DERA: variants seen among roughly 807,000 people sequenced by gnomAD.
DERA encodes 2-deoxy-D-ribose 5-phosphate aldolase.
DERA carries 15 observed loss-of-function variants against 41.1 expected under a neutral mutation model. That is an observed-to-expected ratio of 0.37 (90% confidence interval 0.24 to 0.56). The LOEUF (loss-of-function observed/expected upper bound fraction) is 0.56, where lower values mean the gene tolerates loss of function less well. Among genes scored for constraint, DERA ranks in the 20% least tolerant of loss-of-function variants. The pLI is 0.81. For synonymous variants in DERA, 139 were observed against 137.4 expected (o/e 1.01, Z -0.08); for missense variants, 396 against 403.4 (o/e 0.98, Z 0.16).
At chr12:15,958,736 C>G (rs890684956) in intron 3 of DERA, among the ~76,000 whole-genome samples, 11 of 152,064 alleles carry the variant, frequency 7.2e-5, no homozygotes, top group African/African-American at 2.2e-4. Context: ...ATATGAAATA[C>G]TTTTGAAAAT....
intron 6 of DERA, among the ~76,000 whole-genome samples, chr12:16,022,072 G>A (rs1362704738): frequency 6.6e-6 from 1 of 152,196 alleles, no homozygotes; most frequent in African/African-American, 2.4e-5. Context: ...TTGGATGTTT[G>A]TCCCCTCCCA....
rs557062140 is a variant in DERA at position 16,018,164 on chromosome 12, T to A, written c.638-14378T>A. Reference sequence around the variant, plus strand: ...TAGTAGCCTTAAGATATTATTTTTTTAAATATACTACTTTGGTCTTAATAC... The same window carrying A: ...TAGTAGCCTTAAGATATTATTTTTTAAAATATACTACTTTGGTCTTAATAC... On this transcript the variant is annotated intron_variant, in intron 6 of 8. Coordinates refer to ENST00000428559, the MANE Select transcript of DERA (RefSeq NM_015954.4). Among the ~76,000 whole-genome samples, 9 of 152,328 alleles carry A rather than the reference T, an allele frequency of 5.9e-5. No homozygotes were observed. The South Asian group carries it at 6.2e-4, about 11-fold the overall frequency.
At chr12:15,920,294 C>G (rs1030967625) in intron 1 of DERA, among the ~76,000 whole-genome samples, 7 of 152,180 alleles carry the variant, frequency 4.6e-5, no homozygotes, top group African/African-American at 1.4e-4. Context: ...ATCAGTCCAA[C>G]CCCCTTCTGT....
intron 6 of DERA, among the ~76,000 whole-genome samples, chr12:16,025,970 C>A (rs532028742): frequency 6.6e-6 from 1 of 151,976 alleles, no homozygotes; most frequent in Non-Finnish European, 1.5e-5. Flanking sequence ...AAATAAGTCT[C>A]AAGAGAAATT....
rs563397724 is a variant in DERA, at chr12:15,976,014, C to T, written c.509-6294C>T. On this transcript the variant is annotated intron_variant, in intron 5 of 8. Transcript: ENST00000428559. This position sits in a 1 kb window ranked among gnomAD's most constrained non-coding sequence, Gnocchi z 4.1. Reference sequence around the variant, plus strand: ...CAGACAGATCTAGTAAATACATGAACGTACACATATACACAGCACACACAT... The same window carrying T: ...CAGACAGATCTAGTAAATACATGAATGTACACATATACACAGCACACACAT... Among the ~76,000 whole-genome samples the T allele has an allele frequency of 3.3e-5, 5 of 152,160 alleles. No homozygotes were observed. In the South Asian group the frequency reaches 6.2e-4, roughly 19 times the overall value.
rs1279680561 is a variant in DERA at position 16,020,603 on chromosome 12, G to C, written c.638-11939G>C. On this transcript the variant is annotated intron_variant, in intron 6 of 8. Coordinates refer to ENST00000428559, the MANE Select transcript of DERA (RefSeq NM_015954.4). This position sits in a 1 kb window ranked among gnomAD's most constrained non-coding sequence, Gnocchi z 5.5. ...CAGCTTTGGAACTGGGTAATGGAGA[G>C]GTTGGAAGAGTTTGGAGGGCCCAGA... is the stretch of plus-strand genomic sequence containing the variant. Among the ~76,000 whole-genome samples, 3 of 152,216 alleles carry C rather than the reference G, an allele frequency of 2.0e-5. No individual in the cohort carries two copies. Among genetic ancestry groups the C allele is most frequent in the Non-Finnish European group, 4.4e-5 (3 of 68,040 alleles).
chr12:15,962,580 AATG>A (rs551673914), intron 4 of DERA, among the ~76,000 whole-genome samples: 66 of 152,296 alleles, frequency 4.3e-4, no homozygotes, highest in African/African-American at 1.6e-3. Flanking sequence ...TCTTCCAGAA[AATG>A]ATATTTGTCC....
rs988058450 is a variant in DERA, at chr12:15,982,097, C to T, written c.509-211C>T. 6.6e-6 allele frequency among the ~76,000 whole-genome samples: 1 copy of T among 152,116 alleles called. No individual in the cohort carries two copies. Among genetic ancestry groups the T allele is most frequent in the Non-Finnish European group, 1.5e-5 (1 of 68,022 alleles). On this transcript the variant is annotated intron_variant, in intron 5 of 8. Transcript: ENST00000428559. The surrounding 1 kb of genome is among the most constrained non-coding windows in gnomAD (Gnocchi z 4.0). ...TGGACCTCAGGCCAGGGCTTAGAAA[C>T]GGTTTCATGGTAGCAAACTAAGCAT... is the stretch of plus-strand genomic sequence containing the variant.
At chr12:15,978,081 A>G (rs1439991046) in intron 5 of DERA, among the ~76,000 whole-genome samples, 1 of 152,136 alleles carries the variant, frequency 6.6e-6, no homozygotes, top group Non-Finnish European at 1.5e-5. Context: ...GCTTATTTGT[A>G]TTGAAAGGAA....
At chr12:15,919,038 G>T (rs1390810299) in intron 1 of DERA, among the ~76,000 whole-genome samples, 1 of 152,094 alleles carries the variant, frequency 6.6e-6, no homozygotes, top group Non-Finnish European at 1.5e-5. Flanking sequence ...CAATAATTAT[G>T]TACATTTTAG....
intron 7 of DERA, among the ~76,000 whole-genome samples, chr12:16,034,312 G>A (rs564664002): frequency 1.3e-5 from 2 of 152,340 alleles, no homozygotes; most frequent in African/African-American, 4.8e-5. Context: ...CTTCTCAGGA[G>A]AGCTCTTAGA....
rs529561210 is a variant in DERA at position 15,994,582 on chromosome 12, T to C, written c.637+12146T>C. 7.2e-5 allele frequency among the ~76,000 whole-genome samples: 11 copies of C among 152,296 alleles called. No homozygotes were observed. Among genetic ancestry groups the C allele is most frequent in the African/African-American group, 2.4e-4 (10 of 41,570 alleles). On this transcript the variant is annotated intron_variant, in intron 6 of 8. Transcript: ENST00000428559. The surrounding 1 kb of genome is among the most constrained non-coding windows in gnomAD (Gnocchi z 4.8). ...CATTCTCCTGCCTCAGCCTCCTGAA[T>C]AGCTGGGACTACAGGCGCCTGCAAC...
rs1591994985 is a variant in DERA, at chr12:15,913,842, G to A, written c.31+2428G>A. The stretch of plus-strand genomic sequence containing the variant: ...TTCTGAGTTTTAACAAATCCTGTGG[G>A]TAGTACTGAAGCATACCCAAGTTTG... On this transcript the variant is annotated intron_variant, in intron 1 of 8. Coordinates refer to ENST00000428559, the MANE Select transcript of DERA (RefSeq NM_015954.4). The surrounding 1 kb of genome is among the most constrained non-coding windows in gnomAD (Gnocchi z 4.5). 6.6e-6 allele frequency among the ~76,000 whole-genome samples: 1 copy of A among 152,192 alleles called. No homozygotes were observed. The highest frequency in any genetic ancestry group is 1.5e-5 in the Non-Finnish European group (1 of 68,034).
chr12:15,933,770 A>G (rs896236506), intron 1 of DERA, among the ~76,000 whole-genome samples: 2 of 152,130 alleles, frequency 1.3e-5, no homozygotes, highest in Non-Finnish European at 2.9e-5. Context: ...AATTTCTACT[A>G]ATCTATCAGG....
intron 1 of DERA, among the ~76,000 whole-genome samples, chr12:15,949,195 A>G (rs1337615256): frequency 6.6e-6 from 1 of 152,152 alleles, no homozygotes; most frequent in Non-Finnish European, 1.5e-5. Context: ...CTCAAACTCC[A>G]TGCTGGGAGA....
intron 1 of DERA, among the ~76,000 whole-genome samples, chr12:15,912,807 A>T (rs1238488698): frequency 6.6e-6 from 1 of 152,152 alleles, no homozygotes; most frequent in Non-Finnish European, 1.5e-5. Context: ...CACTTCCAAG[A>T]GGTGTTCTGG....
intron 1 of DERA, among the ~76,000 whole-genome samples, chr12:15,947,542 A>T (rs10846257): frequency 0.31 from 47,400 of 151,460 alleles, 8,375 homozygotes; most frequent in African/African-American, 0.47. Flanking sequence ...CTGCCTTTTT[A>T]TTGTTTTCCA....
At position 15,962,904 on chromosome 12, in the gene DERA, C is replaced by T. The variant is rs372137839; in HGVS notation, c.465C>T (p.Asp155=). The change falls in exon 5 of 9, where the codon GAC becomes GAT. Residue 155 remains aspartate, a synonymous_variant. Transcript: ENST00000428559. ...TGGAAGATGGAGCTACAGAAATCGACGTGGTAATTAACAGAAGCTTGGTGC... is the reference window on the plus strand; with the variant it reads ...TGGAAGATGGAGCTACAGAAATCGATGTGGTAATTAACAGAAGCTTGGTGC... ...LAVEDGATEI[D]VVINRSLVLT... 1,757 of 1,600,876 alleles carry T rather than the reference C, an allele frequency of 1.1e-3. No individual in the cohort carries two copies. Among genetic ancestry groups the T allele is most frequent in the Non-Finnish European group, 1.4e-3 (1,678 of 1,173,424 alleles).
intron 4 of DERA, among the ~76,000 whole-genome samples, chr12:15,960,663 A>AC (rs1948580650): frequency 2.0e-5 from 3 of 149,002 alleles, no homozygotes; most frequent in Admixed American, 1.3e-4. Context: ...AAAAAAAAAA[A>AC]CAACGATATG....
Sources: allele counts gnomAD v4.1 joint callset (sites outside exome capture counted in the v4.1 genomes callset), GRCh38; gene constraint gnomAD v4.1.1; non-coding constraint Gnocchi (gnomAD v3.1); transcripts MANE v1.5; gene names NCBI Gene and HGNC (gene_info 2026-07-23, HGNC 2026-07-21).